The following ATOH1 variants were observed in gnomAD, a reference collection of about 807,000 sequenced individuals.
ATOH1 encodes transcription factor ATOH1.
ATOH1 carries 9 observed loss-of-function variants against 20.7 expected under a neutral mutation model. The ratio of observed to expected loss-of-function variants is 0.44; its 90% CI spans 0.26 to 0.76. ATOH1 has a LOEUF of 0.76. ATOH1 is among the 30% of genes least tolerant of loss of function. The pLI, the probability that ATOH1 is intolerant of heterozygous loss-of-function variation, is 0.20. For synonymous variants in ATOH1, 247 were observed against 214.3 expected, an observed-to-expected ratio of 1.15 and a Z score of -1.33; for missense variants, 516 against 479.3, an observed-to-expected ratio of 1.08 and a Z score of -0.71.
chr4:93,828,967 A>G lies in ATOH1; in HGVS notation c.41A>G (p.Lys14Arg). Residue 14 changes from lysine to arginine, a missense_variant, in exon 1 of 1, where the codon AAG (lysine) becomes AGG (arginine). Physicochemically the swap from Lys to Arg is conservative, Grantham distance 26. Transcript: ENST00000306011. ...CATGCAGAAGAGTGGGCTGAAGTGA[A>G]GGAGTTGGGAGACCACCATCGCCAG... is the stretch of plus-strand genomic sequence containing the variant. ...LLHAEEWAEVKELGDHHRQPQ... is the reference protein window; with the variant it reads ...LLHAEEWAEVRELGDHHRQPQ... The G allele has an allele frequency of 6.2e-7, 1 of 1,610,926 alleles. No individual in the cohort carries two copies.
rs772119264 is a variant in ATOH1, at chr4:93,829,030, C to A, written c.104C>A (p.Pro35Gln). Residue 35 changes from proline to glutamine, a missense_variant, in exon 1 of 1, where the codon CCG becomes CAG. Coordinates refer to ENST00000306011, the MANE Select transcript of ATOH1 (RefSeq NM_005172.2). This position sits in a 1 kb window ranked among gnomAD's most constrained non-coding sequence, Gnocchi z 4.5. The stretch of plus-strand genomic sequence containing the variant: ...CATCTCCCGCAACCGCCGCCGCCGC[C>A]GCAGCCACCTGCAACTTTGCAGGCG... ...PHHLPQPPPPPQPPATLQARE... is the reference protein window; with the variant it reads ...PHHLPQPPPPQQPPATLQARE... 3.1e-6 allele frequency: 5 copies of A among 1,613,856 alleles called. No homozygotes were observed. The highest frequency in any genetic ancestry group is 4.5e-5 in the East Asian group (2 of 44,842).
In ATOH1 at chr4:93,829,604, G is replaced by T. The variant is rs533752955; in HGVS notation, c.678G>T (p.Pro226=). The change falls in exon 1 of 1, where the codon CCG becomes CCT. Residue 226 remains proline (P), a synonymous_variant. Transcript: ENST00000306011. The surrounding 1 kb of genome is among the most constrained non-coding windows in gnomAD (Gnocchi z 4.5). The part of the protein sequence containing the change: ...QTPSGGEQPP[P]PPASCKSDHH... ...CCAGCGGAGGGGAACAGCCACCGCC[G>T]CCTCCAGCCTCCTGCAAAAGCGACC... The T allele has an allele frequency of 8.7e-6, 14 of 1,612,834 alleles. No individual in the cohort carries two copies. The highest frequency in any genetic ancestry group is 2.7e-5 in the African/African-American group (2 of 75,012).
chr4:93,829,023 C>T lies in ATOH1; in HGVS notation c.97C>T (p.Pro33Ser). Residue 33 changes from proline to serine, a missense_variant, in exon 1 of 1, where the codon CCG becomes TCG. By Grantham distance (74) the Pro-to-Ser change is moderately conservative. Transcript: ENST00000306011. This position sits in a 1 kb window ranked among gnomAD's most constrained non-coding sequence, Gnocchi z 4.5. The part of the protein sequence containing the change: ...PQPHHLPQPP[P>S]PPQPPATLQA... ...GCCGCATCATCTCCCGCAACCGCCGCCGCCGCCGCAGCCACCTGCAACTTT... is the reference window on the plus strand; with the variant it reads ...GCCGCATCATCTCCCGCAACCGCCGTCGCCGCCGCAGCCACCTGCAACTTT... 2 of 1,613,776 alleles carry T rather than the reference C, an allele frequency of 1.2e-6. No individual in the cohort carries two copies. The highest frequency in any genetic ancestry group is 1.7e-6 in the Non-Finnish European group (2 of 1,179,958).
rs780142317 is a variant in ATOH1 at position 93,829,232 on chromosome 4, G to A, written c.306G>A (p.Arg102=). ...AAAPRDEVDG[R]GELVRRSSGG... ...CGCCCCGGGACGAGGTGGACGGCCG[G>A]GGGGAGCTGGTAAGGAGGAGCAGCG... Residue 102 remains arginine (R), a synonymous_variant, in exon 1 of 1, where the codon CGG becomes CGA. Coordinates refer to ENST00000306011, the MANE Select transcript of ATOH1 (RefSeq NM_005172.2). The surrounding 1 kb of genome is among the most constrained non-coding windows in gnomAD (Gnocchi z 4.5). The A allele has an allele frequency of 4.4e-6, 7 of 1,589,700 alleles. No individual in the cohort carries two copies. Among genetic ancestry groups the A allele is most frequent in the East Asian group, 2.2e-5 (1 of 44,602 alleles).
rs1735407266 is a variant in ATOH1, at chr4:93,829,769, T to A, written c.843T>A (p.Ser281=). The A allele has an allele frequency of 1.2e-6, 2 of 1,603,342 alleles. No homozygotes were observed. The part of the protein sequence containing the change: ...SCRTRFSAPA[S]AGGYSVQLDA... ...GGACTCGCTTCTCAGCCCCAGCTTC[T>A]GCGGGAGGGTACTCGGTGCAGCTGG... The change falls in exon 1 of 1, where the codon TCT becomes TCA. Residue 281 remains serine, a synonymous_variant. Transcript: ENST00000306011. This position sits in a 1 kb window ranked among gnomAD's most constrained non-coding sequence, Gnocchi z 4.5.
chr4:93,829,033 A>C lies in ATOH1; in HGVS notation c.107A>C (p.Gln36Pro), dbSNP rs1301297386. The change falls in exon 1 of 1, where the codon CAG becomes CCG. Residue 36 changes from glutamine (Q) to proline (P), a missense_variant. By Grantham distance (76) the Gln-to-Pro change is moderately conservative. Coordinates refer to ENST00000306011, the MANE Select transcript of ATOH1 (RefSeq NM_005172.2). This position sits in a 1 kb window ranked among gnomAD's most constrained non-coding sequence, Gnocchi z 4.5. ...HHLPQPPPPPQPPATLQAREH... is the reference protein window; with the variant it reads ...HHLPQPPPPPPPPATLQAREH... ...CTCCCGCAACCGCCGCCGCCGCCGC[A>C]GCCACCTGCAACTTTGCAGGCGAGA... The C allele has an allele frequency of 1.2e-6, 2 of 1,613,734 alleles. No individual in the cohort carries two copies. Among genetic ancestry groups the C allele is most frequent in the Non-Finnish European group, 1.7e-6 (2 of 1,179,936 alleles).
chr4:93,829,661 AG>A lies in ATOH1; in HGVS notation c.740del (p.Gly247AlafsTer56). The A allele has an allele frequency of 6.3e-7, 1 of 1,582,854 alleles. No homozygotes were observed. Among genetic ancestry groups the A allele is most frequent in the Non-Finnish European group, 8.6e-7 (1 of 1,165,488 alleles). ...HHLRTAASYEGGAGNATAAGA... is the reference protein window; with the variant it reads ...HHLRTAASYEXGAGNATAAGA... ...ACCTTCGCACCGCGGCCTCCTATGA[AG>A]GGGGCGCGGGCAACGCGACCGCAGC... On this transcript the variant is annotated frameshift_variant, in exon 1 of 1. Transcript: ENST00000306011. LOFTEE classifies it high-confidence loss of function. This position sits in a 1 kb window ranked among gnomAD's most constrained non-coding sequence, Gnocchi z 4.5.
rs763307747 is a variant in ATOH1 at position 93,829,296 on chromosome 4, G to A, written c.370G>A (p.Val124Met). Residue 124 changes from valine to methionine, a missense_variant, in exon 1 of 1, where the codon GTG becomes ATG. Transcript: ENST00000306011. This position sits in a 1 kb window ranked among gnomAD's most constrained non-coding sequence, Gnocchi z 4.5. ...SSSKSPGPVKVREQLCKLKGG... is the reference protein window; with the variant it reads ...SSSKSPGPVKMREQLCKLKGG... ...CAGCAAGAGCCCCGGGCCGGTGAAA[G>A]TGCGGGAACAGCTGTGCAAGCTGAA... 1 of 1,612,250 alleles carries A rather than the reference G, an allele frequency of 6.2e-7. No individual in the cohort carries two copies. Among genetic ancestry groups the A allele is most frequent in the Non-Finnish European group, 8.5e-7 (1 of 1,178,872 alleles).
In ATOH1 at chr4:93,829,715, C is replaced by A. The variant is rs750068829; in HGVS notation, c.789C>A (p.Ser263Arg). The A allele has an allele frequency of 1.3e-6, 2 of 1,570,682 alleles. No homozygotes were observed. The highest frequency in any genetic ancestry group is 2.4e-5 in the South Asian group (2 of 82,894). ...GGGCTCAGCAGGCTTCCGGAGGGAG[C>A]CAGCGGCCGACCCCGCCCGGGAGTT... ...AAGAQQASGG[S>R]QRPTPPGSCR... The change falls in exon 1 of 1, where the codon AGC becomes AGA. Residue 263 changes from serine (S) to arginine (R), a missense_variant. Physicochemically the swap from Ser to Arg is moderately radical, Grantham distance 110. Coordinates refer to ENST00000306011, the MANE Select transcript of ATOH1 (RefSeq NM_005172.2). The surrounding 1 kb of genome is among the most constrained non-coding windows in gnomAD (Gnocchi z 4.5).
Sources: gnomAD v4.1 joint callset for allele counts on GRCh38, gnomAD v4.1.1 for gene constraint, Gnocchi (gnomAD v3.1) non-coding constraint, MANE v1.5 for transcripts, NCBI Gene and HGNC (gene_info 2026-07-23, HGNC 2026-07-21) for gene names.